SMAGP: variants seen among roughly 807,000 people sequenced by gnomAD.
The protein encoded by SMAGP is small cell transmembrane and glycosylated protein.
A neutral mutation model predicts 10.1 loss-of-function variants in SMAGP; 7 were observed. The observed-to-expected ratio is 0.70, with a 90% confidence interval of 0.40 to 1.31. SMAGP has a LOEUF of 1.31. Ranked by LOEUF, SMAGP falls within the 50% of genes most tolerant of loss-of-function variation. SMAGP has a pLI of 0.01. For synonymous variants in SMAGP, 49 were observed against 47.2 expected (o/e 1.04, Z -0.16); for missense variants, 113 against 116.5 (o/e 0.97, Z 0.14).
intron 2 of SMAGP, among the ~76,000 whole-genome samples, chr12:51,265,194 A>T (rs748578703): frequency 1.1e-4 from 16 of 152,300 alleles, no homozygotes; most frequent in Non-Finnish European, 2.2e-4. Flanking sequence ...CAATATGATG[A>T]CTACCATTAA....
chr12:51,267,468 C>A, intron 2 of SMAGP, among the ~76,000 whole-genome samples: 1 of 134,372 alleles, frequency 7.4e-6, no homozygotes. Flanking sequence ...TGACCTATTC[C>A]CCCCCCCCAC....
At chr12:51,262,736 CTTT>C (rs1019648709) in intron 2 of SMAGP, among the ~76,000 whole-genome samples, 1 of 152,058 alleles carries the variant, frequency 6.6e-6, no homozygotes, top group Non-Finnish European at 1.5e-5. Flanking sequence ...TTCACTTACT[CTTT>C]TTTTTGTTAA....
intron 2 of SMAGP, among the ~76,000 whole-genome samples, chr12:51,263,675 C>G (rs1944948623): frequency 6.6e-6 from 1 of 152,178 alleles, no homozygotes; most frequent in Non-Finnish European, 1.5e-5. Flanking sequence ...CTGGTGTGAT[C>G]ATTTGGTGGC....
intron 3 of SMAGP, 152 bp from the exon 4 acceptor site, chr12:51,246,271 C>A: frequency 8.9e-7 from 1 of 1,118,308 alleles, no homozygotes; most frequent in Non-Finnish European, 1.2e-6. Flanking sequence ...GTTCCCCCAC[C>A]AACCCCAATT....
intron 2 of SMAGP, among the ~76,000 whole-genome samples, chr12:51,255,928 T>G (rs1001496638): frequency 6.6e-6 from 1 of 152,088 alleles, no homozygotes; most frequent in African/African-American, 2.4e-5. Context: ...TGCACCACCA[T>G]GCCTGGCTAA....
In SMAGP at chr12:51,245,771, T is replaced by G; in HGVS notation, c.*170A>C. The G allele has an allele frequency of 1.5e-6, 1 of 661,182 alleles. No homozygotes were observed. Among genetic ancestry groups the G allele is most frequent in the Non-Finnish European group, 2.6e-6 (1 of 391,042 alleles). The allele number at this position is 661,182 out of a possible 1,614,324, so 41.0% of individuals were successfully genotyped here. ...TCATAAACAGCTTTCTCCATGTCCC[T>G]GGTCCCTGGAGTCAGTGATGTCGGC... On this transcript the variant is annotated 3_prime_UTR_variant, in exon 4 of 4. Coordinates refer to ENST00000603798, the MANE Select transcript of SMAGP (RefSeq NM_001031628.2).
intron 2 of SMAGP, among the ~76,000 whole-genome samples, chr12:51,252,681 T>TCGCCCCCCC (rs1189368176): frequency 6.7e-6 from 1 of 149,464 alleles, no homozygotes; most frequent in East Asian, 2.4e-4. Flanking sequence ...GTGAGCCACA[T>TCGCCCCCCC]CGCCCCCCGA....
rs35554559 is a variant in SMAGP at position 51,266,468 on chromosome 12, G to GAA, written c.34+2775_34+2776dup. On this transcript the variant is annotated intron_variant, in intron 2 of 3. Transcript: ENST00000603798. ...GAAAAGGTGAAAGTTCTTGACTTAA[G>GAA]AAAAAAAAAAAAAGAACTGTGTACT... 6.6e-3 allele frequency among the ~76,000 whole-genome samples: 944 copies of GAA among 142,548 alleles called. 28 individuals carry two copies. In the East Asian group the frequency reaches 0.11, roughly 16 times the overall value. The allele number at this position is 142,548 out of a possible 152,430, so 93.5% of individuals were successfully genotyped here.
At chr12:51,268,555 T>C (rs927098643) in intron 2 of SMAGP, among the ~76,000 whole-genome samples, 21 of 146,120 alleles carry the variant, frequency 1.4e-4, no homozygotes, top group Non-Finnish European at 2.4e-4. Context: ...TACAATAATC[T>C]TCCTTCCTTC....
rs182621412 is a variant in SMAGP, at chr12:51,254,434, C to G, written c.35-7603G>C. Reference sequence around the variant, plus strand: ...TGGTGGCGTATGCCTGTAGTCCCAGCTACTCAGGAGGCTGAGGCAGGAGAA... The same window carrying G: ...TGGTGGCGTATGCCTGTAGTCCCAGGTACTCAGGAGGCTGAGGCAGGAGAA... On this transcript the variant is annotated intron_variant, in intron 2 of 3. Transcript: ENST00000603798. 6.1e-4 allele frequency among the ~76,000 whole-genome samples: 93 copies of G among 152,162 alleles called. 1 individual carries two copies. In the East Asian group the frequency reaches 0.017, roughly 28 times the overall value.
intron 2 of SMAGP, among the ~76,000 whole-genome samples, chr12:51,261,390 C>T (rs1261596705): frequency 2.6e-5 from 4 of 152,090 alleles, no homozygotes; most frequent in South Asian, 2.1e-4. Flanking sequence ...CCACCACACC[C>T]GGCCTGGGTG....
At chr12:51,250,932 C>T (rs1944831949) in intron 2 of SMAGP, among the ~76,000 whole-genome samples, 1 of 151,904 alleles carries the variant, frequency 6.6e-6, no homozygotes, top group African/African-American at 2.4e-5. Flanking sequence ...GTCATGACTT[C>T]ACACATTTCA....
intron 2 of SMAGP, chr12:51,251,703 G>C (rs1233312985): frequency 6.6e-6 from 1 of 152,168 alleles, no homozygotes; most frequent in East Asian, 1.9e-4. Flanking sequence ...CTGGTGATAG[G>C]TAACTTAAGG....
At chr12:51,247,020 T>C (rs1322204457) in intron 2 of SMAGP, among the ~76,000 whole-genome samples, 189 bp from the exon 3 acceptor site, 4 of 152,076 alleles carry the variant, frequency 2.6e-5, no homozygotes, top group Non-Finnish European at 1.5e-5. Context: ...CCAAAGACAA[T>C]ATGTTGATGG....
chr12:51,258,807 C>T (rs1201827469), intron 2 of SMAGP, among the ~76,000 whole-genome samples: 1 of 151,716 alleles, frequency 6.6e-6, no homozygotes, highest in Non-Finnish European at 1.5e-5. Flanking sequence ...CAAAATAAGG[C>T]CTTTATGTAA....
Position 51,245,769 on chromosome 12 carries a change from C to A in SMAGP, c.*172G>T. 1 of 653,184 alleles carries A rather than the reference C, an allele frequency of 1.5e-6. No individual in the cohort carries two copies. Among genetic ancestry groups the A allele is most frequent in the South Asian group, 2.3e-5 (1 of 44,002 alleles). 40.5% of individuals were successfully genotyped at this position (653,184 alleles called of 1,614,324 possible). ...TATCATAAACAGCTTTCTCCATGTC[C>A]CTGGTCCCTGGAGTCAGTGATGTCG... On this transcript the variant is annotated 3_prime_UTR_variant, in exon 4 of 4. Coordinates refer to ENST00000603798, the MANE Select transcript of SMAGP (RefSeq NM_001031628.2).
At chr12:51,246,273 A>C (rs1481950174) in intron 3 of SMAGP, 154 bp from the exon 4 acceptor site, 1 of 1,096,676 alleles carries the variant, frequency 9.1e-7, no homozygotes, top group African/African-American at 1.6e-5. Flanking sequence ...TCCCCCACCA[A>C]CCCCAATTTC....
At position 51,270,400 on chromosome 12, in the gene SMAGP, C is replaced by T; in HGVS notation, c.-183G>A. ...AGCGGAGGAAGCCGCGGGTGGCGCGCGGGGTTGGCGCAGAGGCCGGAGGGG... is the reference window on the plus strand; with the variant it reads ...AGCGGAGGAAGCCGCGGGTGGCGCGTGGGGTTGGCGCAGAGGCCGGAGGGG... On this transcript the variant is annotated 5_prime_UTR_variant, in exon 1 of 4. Transcript: ENST00000603798. 4.3e-6 allele frequency: 1 copy of T among 233,044 alleles called. No individual in the cohort carries two copies. The allele number at this position is 233,044 out of a possible 1,614,324, so 14.4% of individuals were successfully genotyped here. A position where few individuals can be genotyped will look rare whatever the true frequency, so the allele number is the denominator to read the frequency against.
At chr12:51,261,317 GAACTCTTGA>G (rs1944930160) in intron 2 of SMAGP, among the ~76,000 whole-genome samples, 1 of 151,770 alleles carries the variant, frequency 6.6e-6, no homozygotes, top group Non-Finnish European at 1.5e-5. Flanking sequence ...GGCTGGTCTC[GAACTCTTGA>G]CCTTGTGATT....
Sources: allele counts gnomAD v4.1 joint callset (sites outside exome capture counted in the v4.1 genomes callset), GRCh38; gene constraint gnomAD v4.1.1; transcripts MANE v1.5; gene names NCBI Gene and HGNC (gene_info 2026-07-23, HGNC 2026-07-21).